PKP4: variants seen among roughly 807,000 people sequenced by gnomAD.
PKP4 encodes plakophilin 4.
In PKP4, 90 loss-of-function variants were observed where a neutral mutation model predicts 145.1. The ratio of observed to expected loss-of-function variants is 0.62; its 90% CI spans 0.52 to 0.74. The LOEUF (loss-of-function observed/expected upper bound fraction) is 0.74. Among genes scored for constraint, PKP4 ranks in the 30% least tolerant of loss-of-function variants. The pLI, the probability that PKP4 is intolerant of heterozygous loss-of-function variation, is 0.00. For synonymous variants in PKP4, 563 were observed against 577.2 expected (o/e 0.98, Z 0.35); for missense variants, 1,340 against 1,482.7 (o/e 0.90, Z 1.58).
At chr2:158,489,247 T>G (rs934972376) in intron 1 of PKP4, among the ~76,000 whole-genome samples, 3 of 152,194 alleles carry the variant, frequency 2.0e-5, no homozygotes, top group African/African-American at 4.8e-5. Context: ...TGTTAGCATA[T>G]CTGGGCTTCT....
chr2:158,471,219 AAAG>A (rs1425162979), intron 1 of PKP4, among the ~76,000 whole-genome samples: 1 of 152,220 alleles, frequency 6.6e-6, no homozygotes, highest in African/African-American at 2.4e-5. Flanking sequence ...GAGGAAAGCC[AAAG>A]AATAGAATTA....
intron 11 of PKP4, among the ~76,000 whole-genome samples, chr2:158,652,470 A>T (rs1434930758): frequency 6.6e-6 from 1 of 152,226 alleles, no homozygotes; most frequent in Admixed American, 6.5e-5. Flanking sequence ...CATTGGGCTA[A>T]GGGGAGAACT....
chr2:158,667,300 T>C (rs2057187056), intron 16 of PKP4, among the ~76,000 whole-genome samples: 2 of 152,180 alleles, frequency 1.3e-5, no homozygotes, highest in African/African-American at 2.4e-5. Context: ...TCACTGGCCA[T>C]GCAACCTGGG....
chr2:158,667,656 C>T (rs999987799), intron 16 of PKP4, among the ~76,000 whole-genome samples: 5 of 152,188 alleles, frequency 3.3e-5, no homozygotes, highest in African/African-American at 4.8e-5. Context: ...TCACACAGTG[C>T]CTGACAGAAT....
At chr2:158,497,775 G>T (rs2105484276) in intron 1 of PKP4, among the ~76,000 whole-genome samples, 1 of 152,314 alleles carries the variant, frequency 6.6e-6, no homozygotes, top group Non-Finnish European at 1.5e-5. Context: ...TTCAATAGGT[G>T]GTTGCTGATG....
chr2:158,603,193 C>G (rs2050368214), intron 4 of PKP4, 89 bp downstream of exon 4: 2 of 689,620 alleles, frequency 2.9e-6, no homozygotes, highest in Admixed American at 3.0e-5. Flanking sequence ...GTGAAATAAG[C>G]CAAGCAAAGC....
intron 1 of PKP4, among the ~76,000 whole-genome samples, chr2:158,465,891 G>C (rs1338947858): frequency 1.3e-5 from 2 of 152,174 alleles, no homozygotes; most frequent in African/African-American, 4.8e-5. Flanking sequence ...AAACAACTCA[G>C]ATGTTAAAGG....
In PKP4 at chr2:158,642,633, G is replaced by A. The variant is rs2105934165; in HGVS notation, c.1843G>A (p.Gly615Arg). 2 of 1,613,296 alleles carry A rather than the reference G, an allele frequency of 1.2e-6. No individual in the cohort carries two copies. The highest frequency in any genetic ancestry group is 1.7e-6 in the Non-Finnish European group (2 of 1,179,448). Reference sequence around the variant, plus strand: ...TAAAATAGCAATGAAGAATGTTGGTGGGATACCTGCCTTGTTGCGACTGTT... The same window carrying A: ...TAAAATAGCAATGAAGAATGTTGGTAGGATACCTGCCTTGTTGCGACTGTT... ...ENKIAMKNVG[G>R]IPALLRLLRK... is the part of the protein sequence containing the mutation. Residue 615 changes from glycine to arginine, a missense_variant, in exon 11 of 22, where the codon GGG becomes AGG. By Grantham distance (125) the Gly-to-Arg change is moderately radical. Transcript: ENST00000389759.
chr2:158,577,232 C>A, intron 2 of PKP4, 39 bp from the exon 3 acceptor site: 1 of 1,305,256 alleles, frequency 7.7e-7, no homozygotes. Context: ...AGCAGCATAC[C>A]TTGGCGCCTT....
At position 158,661,327 on chromosome 2, in the gene PKP4, C is replaced by A. The variant is rs749101241; in HGVS notation, c.2094-6C>A. 3 of 1,609,854 alleles carry A rather than the reference C, an allele frequency of 1.9e-6. No homozygotes were observed. The Admixed American group carries it at 5.0e-5, about 27-fold the overall frequency. On this transcript the variant is annotated splice_polypyrimidine_tract_variant and splice_region_variant and intron_variant, in intron 12 of 21. Coordinates refer to ENST00000389759, the MANE Select transcript of PKP4 (RefSeq NM_003628.6). ...TCAGCAGCTCCTCCTGTCTCCACCC[C>A]TTTAGGAACCTCAGCTCCGCGGGGG...
chr2:158,622,888 G>C (rs1376538678), intron 6 of PKP4, among the ~76,000 whole-genome samples: 1 of 152,194 alleles, frequency 6.6e-6, no homozygotes, highest in Non-Finnish European at 1.5e-5. Context: ...CAGCAGGTCT[G>C]AAATCACACT....
chr2:158,673,678 T>G lies in PKP4; in HGVS notation c.2926T>G (p.Ser976Ala). The stretch of plus-strand genomic sequence containing the variant: ...TTAATATCCTTGCTCTCTACCTAGA[T>G]CATCTCTGAAAGTGGTGAAGGCAGC... ...VNITKGRGDR[S>A]SLKVVKAAAQ... Residue 976 changes from serine (S) to alanine (A), a missense_variant and splice_region_variant, in exon 18 of 22, where the codon TCA becomes GCA. Ser to Ala is a moderately conservative substitution (Grantham distance 99). Coordinates refer to ENST00000389759, the MANE Select transcript of PKP4 (RefSeq NM_003628.6). 6.2e-7 allele frequency: 1 copy of G among 1,607,688 alleles called. No homozygotes were observed. Among genetic ancestry groups the G allele is most frequent in the Non-Finnish European group, 8.5e-7 (1 of 1,175,084 alleles).
chr2:158,562,560 G>A lies in PKP4; in HGVS notation c.133-14711G>A, dbSNP rs796348869. ...GTTCTGGAGATGGATGATGGTGATG[G>A]TTGCACAACAATGTGAATATACTTA... On this transcript the variant is annotated intron_variant, in intron 2 of 21. Coordinates refer to ENST00000389759, the MANE Select transcript of PKP4 (RefSeq NM_003628.6). Among the ~76,000 whole-genome samples the A allele has an allele frequency of 2.6e-5, 4 of 152,176 alleles. No individual in the cohort carries two copies. In the South Asian group the frequency reaches 6.2e-4, roughly 24 times the overall value.
chr2:158,643,262 A>G (rs571329592), intron 11 of PKP4, among the ~76,000 whole-genome samples: 1 of 152,286 alleles, frequency 6.6e-6, no homozygotes, highest in Admixed American at 6.5e-5. Context: ...GGCACAGAGG[A>G]TGGGTAACGA....
intron 4 of PKP4, among the ~76,000 whole-genome samples, chr2:158,617,322 A>G (rs926666809): frequency 6.6e-6 from 1 of 152,002 alleles, no homozygotes; most frequent in African/African-American, 2.4e-5. Context: ...CATGTTTGTG[A>G]ATTTTTTTTT....
intron 1 of PKP4, among the ~76,000 whole-genome samples, chr2:158,472,369 G>A (rs1691708991): frequency 6.6e-6 from 1 of 152,086 alleles, no homozygotes; most frequent in Non-Finnish European, 1.5e-5. Context: ...CAACACTTTG[G>A]GAGGCCGAGG....
intron 1 of PKP4, among the ~76,000 whole-genome samples, chr2:158,470,373 G>C (rs1691361997): frequency 6.6e-6 from 1 of 152,036 alleles, no homozygotes; most frequent in African/African-American, 2.4e-5. Context: ...CTCCACATCA[G>C]CAAGTCTAGT....
intron 9 of PKP4, among the ~76,000 whole-genome samples, chr2:158,636,944 T>G (rs1302330803): frequency 6.6e-5 from 10 of 152,234 alleles, no homozygotes; most frequent in Admixed American, 6.5e-4. Context: ...TTAAAATATT[T>G]CCTCTGATAA....
At chr2:158,646,221 T>C (rs1373695397) in intron 11 of PKP4, among the ~76,000 whole-genome samples, 1 of 152,208 alleles carries the variant, frequency 6.6e-6, no homozygotes, top group Non-Finnish European at 1.5e-5. Flanking sequence ...ACATTAAGAA[T>C]TGCTTTATAA....
Sources: allele counts gnomAD v4.1 joint callset (sites outside exome capture counted in the v4.1 genomes callset), GRCh38; gene constraint gnomAD v4.1.1; transcripts MANE v1.5; gene names NCBI Gene and HGNC (gene_info 2026-07-23, HGNC 2026-07-21).